CTNNA2: variants seen among roughly 807,000 people sequenced by gnomAD.
CTNNA2 encodes catenin alpha-2.
In CTNNA2, 42 loss-of-function variants were observed where a neutral mutation model predicts 101.0. That is an observed-to-expected ratio of 0.42 (90% CI 0.32 to 0.54). CTNNA2 has a LOEUF of 0.54. Ranked by LOEUF, CTNNA2 falls within the 20% of genes least tolerant of loss-of-function variation. The pLI is 0.14. For synonymous variants in CTNNA2, 450 were observed against 456.4 expected (o/e 0.99, Z 0.18); for missense variants, 871 against 1,223.1 (o/e 0.71, Z 4.29).
At chr2:80,229,573 C>A (rs970439942) in intron 7 of CTNNA2, among the ~76,000 whole-genome samples, 8 of 151,888 alleles carry the variant, frequency 5.3e-5, no homozygotes, top group African/African-American at 1.9e-4. Flanking sequence ...ATCCTCCCAG[C>A]ACCTCTAAGT....
intron 7 of CTNNA2, among the ~76,000 whole-genome samples, chr2:79,933,253 A>G (rs757564160): frequency 6.6e-6 from 1 of 152,164 alleles, no homozygotes; most frequent in Non-Finnish European, 1.5e-5. Context: ...GGGCGGGCAG[A>G]GGAAGCTTAT....
In CTNNA2 at chr2:80,543,788, A is replaced by AT. The variant is rs544602372; in HGVS notation, c.1291-1193dup. 3.9e-4 allele frequency among the ~76,000 whole-genome samples: 60 copies of AT among 152,276 alleles called. 1 individual carries two copies. The East Asian group carries it at 8.9e-3, about 23-fold the overall frequency. ...TTCTAAAATCCTAGGGCATTCAGGAATGGGAGGAGAGCAGCCCAGTTTTGG... is the reference window on the plus strand; with the variant it reads ...TTCTAAAATCCTAGGGCATTCAGGAATTGGGAGGAGAGCAGCCCAGTTTTGG... On this transcript the variant is annotated intron_variant, in intron 9 of 18. Coordinates refer to ENST00000402739, the MANE Select transcript of CTNNA2 (RefSeq NM_001282597.3).
chr2:80,217,705 TTTG>T (rs1182638244), intron 7 of CTNNA2, among the ~76,000 whole-genome samples: 1 of 152,186 alleles, frequency 6.6e-6, no homozygotes, highest in Non-Finnish European at 1.5e-5. Context: ...GTGTAATGAT[TTTG>T]TTGTTGTTGA....
At chr2:80,476,063 T>C (rs1021179168) in intron 9 of CTNNA2, among the ~76,000 whole-genome samples, 1 of 152,172 alleles carries the variant, frequency 6.6e-6, no homozygotes, top group African/African-American at 2.4e-5. Context: ...AATTGTCACT[T>C]ATCTCTTTAT....
intron 3 of CTNNA2, among the ~76,000 whole-genome samples, chr2:79,341,415 G>A (rs1409327456): frequency 1.3e-5 from 2 of 152,132 alleles, no homozygotes; most frequent in East Asian, 1.9e-4. Context: ...GGGAAAATGA[G>A]TGGGTGAAAA....
chr2:80,049,180 AT>A (rs752494551), intron 7 of CTNNA2, among the ~76,000 whole-genome samples: 10 of 152,150 alleles, frequency 6.6e-5, no homozygotes, highest in Non-Finnish European at 1.5e-4. Flanking sequence ...CTTTAAAATC[AT>A]TTCATTTTTG....
At chr2:80,182,578 C>T (rs2148983118) in intron 7 of CTNNA2, among the ~76,000 whole-genome samples, 1 of 152,262 alleles carries the variant, frequency 6.6e-6, no homozygotes, top group Admixed American at 6.5e-5. Context: ...AAAACACCCA[C>T]ACATACATGA....
At chr2:79,715,122 G>A (rs7579377) in intron 2 of CTNNA2, among the ~76,000 whole-genome samples, 17,849 of 147,120 alleles carry the variant, frequency 0.12, 1,464 homozygotes, top group African/African-American at 0.24. Flanking sequence ...CAGGAGAATC[G>A]CTTGAACACG....
chr2:80,558,572 T>C (rs537367684), intron 12 of CTNNA2, among the ~76,000 whole-genome samples: 1 of 152,056 alleles, frequency 6.6e-6, no homozygotes, highest in African/African-American at 2.4e-5. Flanking sequence ...GTCCTCAAAA[T>C]AGAAACCCTG....
At chr2:80,383,437 T>G (rs1676697325) in intron 7 of CTNNA2, among the ~76,000 whole-genome samples, 1 of 152,180 alleles carries the variant, frequency 6.6e-6, no homozygotes, top group African/African-American at 2.4e-5. Context: ...CCAGGCACAT[T>G]CTACTCACAA....
intron 9 of CTNNA2, among the ~76,000 whole-genome samples, chr2:80,506,362 G>C (rs746375444): frequency 6.6e-6 from 1 of 152,190 alleles, no homozygotes; most frequent in Admixed American, 6.5e-5. Context: ...AGAAAACAAG[G>C]CTGGGCAGGC....
chr2:80,541,820 A>T (rs1414772709), intron 9 of CTNNA2, among the ~76,000 whole-genome samples: 1 of 143,224 alleles, frequency 7.0e-6, no homozygotes, highest in Non-Finnish European at 1.5e-5. Flanking sequence ...CCCTGGAGAC[A>T]CGCACAGATG....
At chr2:80,363,605 C>T (rs143991444) in intron 7 of CTNNA2, among the ~76,000 whole-genome samples, 1,637 of 152,142 alleles carry the variant, frequency 0.011, 18 homozygotes, top group South Asian at 0.057. Context: ...CCTCTATTTG[C>T]GTGAGGATTT....
chr2:80,355,627 A>T (rs1673709642), intron 7 of CTNNA2, among the ~76,000 whole-genome samples: 1 of 152,174 alleles, frequency 6.6e-6, no homozygotes, highest in Non-Finnish European at 1.5e-5. Flanking sequence ...TCTAGTGATC[A>T]TCATGCCTCA....
intron 7 of CTNNA2, among the ~76,000 whole-genome samples, chr2:80,354,516 C>A (rs1673601449): frequency 1.3e-5 from 2 of 151,902 alleles, no homozygotes; most frequent in Non-Finnish European, 2.9e-5. Flanking sequence ...TTTGAGGGGA[C>A]AAAGGTACAA....
chr2:79,411,332 C>T (rs1173550381), intron 4 of CTNNA2, among the ~76,000 whole-genome samples: 4 of 151,864 alleles, frequency 2.6e-5, no homozygotes, highest in Non-Finnish European at 2.9e-5. Flanking sequence ...TTATTTCTTG[C>T]CTTCTGCTAG....
intron 7 of CTNNA2, among the ~76,000 whole-genome samples, chr2:79,921,149 A>G (rs1466913860): frequency 3.3e-5 from 5 of 152,220 alleles, no homozygotes; most frequent in Non-Finnish European, 5.9e-5. Context: ...CACCTACAGA[A>G]TAACAGTCTC....
At chr2:79,923,479 T>C (rs1462068676) in intron 7 of CTNNA2, among the ~76,000 whole-genome samples, 1 of 152,134 alleles carries the variant, frequency 6.6e-6, no homozygotes, top group East Asian at 1.9e-4. Context: ...ATTGTATATA[T>C]TTATGGGGTA....
chr2:79,459,594 A>G (rs1284858501), intron 4 of CTNNA2, among the ~76,000 whole-genome samples: 4 of 152,316 alleles, frequency 2.6e-5, no homozygotes, highest in Non-Finnish European at 5.9e-5. Context: ...ATATGGTAAG[A>G]TTTGTTTTAA....
Sources: gnomAD v4.1 joint callset for allele counts (sites outside exome capture counted in the v4.1 genomes callset) on GRCh38, gnomAD v4.1.1 for gene constraint, MANE v1.5 for transcripts, NCBI Gene and HGNC (gene_info 2026-07-23, HGNC 2026-07-21) for gene names.